The following TBXAS1 variants were observed in gnomAD, a reference collection of about 807,000 sequenced individuals.
TBXAS1 encodes the protein thromboxane-A synthase.
In TBXAS1, 48 loss-of-function variants were observed where a neutral mutation model predicts 60.7. The observed-to-expected ratio is 0.79, with a 90% confidence interval of 0.63 to 1.01. The LOEUF is 1.01. TBXAS1 is among the 50% of genes least tolerant of loss of function. The probability of loss-of-function intolerance (pLI) is 0.00; values close to 1 mark genes in which losing one functional copy is unlikely to be tolerated. For missense variants in TBXAS1, 685 were observed against 686.3 expected (o/e 1.00, Z 0.02); for synonymous variants, 287 against 269.7 (o/e 1.06, Z -0.63).
intron 1 of TBXAS1, among the ~76,000 whole-genome samples, chr7:139,848,834 G>A (rs1800004898): frequency 6.6e-6 from 1 of 152,102 alleles, no homozygotes; most frequent in South Asian, 2.1e-4. Flanking sequence ...ATGGAGCAAG[G>A]GGCATTGATG....
intron 1 of TBXAS1, among the ~76,000 whole-genome samples, chr7:139,865,573 G>A (rs1270793762): frequency 2.7e-5 from 4 of 146,712 alleles, no homozygotes; most frequent in Non-Finnish European, 1.5e-5. Flanking sequence ...ATGAGGGGGA[G>A]GGAGGAAGAA....
chr7:139,999,678 G>T lies in TBXAS1; in HGVS notation c.1135-7413G>T, dbSNP rs927051265. ...AATGGAAATCTTTATTCTTCATATGGCTGTATTGCCCCAAGCTGTCCTCGT... is the reference window on the plus strand; with the variant it reads ...AATGGAAATCTTTATTCTTCATATGTCTGTATTGCCCCAAGCTGTCCTCGT... On this transcript the variant is annotated intron_variant, in intron 9 of 12. Coordinates refer to ENST00000448866, the MANE Select transcript of TBXAS1 (RefSeq NM_001061.7). The surrounding 1 kb of genome is among the most constrained non-coding windows in gnomAD (Gnocchi z 4.3). 1.3e-5 allele frequency among the ~76,000 whole-genome samples: 2 copies of T among 152,142 alleles called. No individual in the cohort carries two copies. Among genetic ancestry groups the T allele is most frequent in the African/African-American group, 2.4e-5 (1 of 41,432 alleles).
At chr7:139,905,031 C>A (rs1001123636) in intron 3 of TBXAS1, among the ~76,000 whole-genome samples, 1 of 84,900 alleles carries the variant, frequency 1.2e-5, no homozygotes, top group Admixed American at 1.3e-4. Flanking sequence ...TTCTTTCTTT[C>A]TTTCTTTCTT....
rs770808858 is a variant in TBXAS1, at chr7:139,957,719, C to T, written c.774C>T (p.Leu258=). The T allele has an allele frequency of 8.1e-6, 13 of 1,613,956 alleles. No homozygotes were observed. Among genetic ancestry groups the T allele is most frequent in the Non-Finnish European group, 1.1e-5 (13 of 1,180,040 alleles). Residue 258 remains leucine (L), a synonymous_variant, in exon 8 of 13, where the codon CTC becomes CTT. Coordinates refer to ENST00000448866, the MANE Select transcript of TBXAS1 (RefSeq NM_001061.7). The part of the protein sequence containing the change: ...RDELNGFFNK[L]IRNVIALRDQ... ...AACTGAATGGCTTTTTTAACAAACT[C>T]ATTAGGAATGTGATTGCCTTGCGGG...
At chr7:139,982,375 G>A (rs1364167545) in intron 9 of TBXAS1, among the ~76,000 whole-genome samples, 1 of 152,138 alleles carries the variant, frequency 6.6e-6, no homozygotes, top group African/African-American at 2.4e-5. Context: ...GATATCTTTA[G>A]ACTGTGGGGG....
At chr7:139,971,655 C>T (rs914392815) in intron 9 of TBXAS1, among the ~76,000 whole-genome samples, 26 of 152,060 alleles carry the variant, frequency 1.7e-4, no homozygotes, top group Non-Finnish European at 3.8e-4. Context: ...ATACTCAAAG[C>T]CCATGCCCAC....
At chr7:139,867,082 A>T (rs1801473899) in intron 1 of TBXAS1, among the ~76,000 whole-genome samples, 1 of 152,252 alleles carries the variant, frequency 6.6e-6, no homozygotes, top group African/African-American at 2.4e-5. Flanking sequence ...CCATGAGGGC[A>T]TGCGTGTTGA....
intron 4 of TBXAS1, 134 bp downstream of exon 4, chr7:139,911,455 T>A: frequency 1.2e-6 from 1 of 800,486 alleles, no homozygotes; most frequent in Non-Finnish European, 2.2e-6. Flanking sequence ...ACTAAGCTCC[T>A]CAGTGAACTC....
At chr7:139,897,152 C>G (rs1022255726) in intron 3 of TBXAS1, among the ~76,000 whole-genome samples, 1 of 152,086 alleles carries the variant, frequency 6.6e-6, no homozygotes, top group Non-Finnish European at 1.5e-5. Context: ...CCACCACTCA[C>G]AAACGAGCAG....
At chr7:139,854,295 A>C (rs571562272) in intron 1 of TBXAS1, among the ~76,000 whole-genome samples, 38 of 152,260 alleles carry the variant, frequency 2.5e-4, no homozygotes, top group Admixed American at 1.5e-3. Context: ...GTCATGCAAG[A>C]TTGCCCAAGC....
At chr7:139,921,276 C>T (rs953993096) in intron 4 of TBXAS1, among the ~76,000 whole-genome samples, 65 of 152,184 alleles carry the variant, frequency 4.3e-4, no homozygotes, top group Non-Finnish European at 1.3e-4. Context: ...ACTCCTCTGA[C>T]ATCAATTTGT....
intron 4 of TBXAS1, among the ~76,000 whole-genome samples, chr7:139,823,262 C>T (rs547420083): frequency 1.3e-5 from 2 of 152,078 alleles, no homozygotes; most frequent in African/African-American, 4.8e-5. Context: ...GATTATATGT[C>T]TATTTCCTTA....
At chr7:139,878,149 A>G (rs1028988677) in intron 3 of TBXAS1, among the ~76,000 whole-genome samples, 16 of 145,600 alleles carry the variant, frequency 1.1e-4, no homozygotes, top group Non-Finnish European at 2.3e-4. Context: ...GAGAGAGAGA[A>G]TGACAGAGAA....
rs551361088 is a variant in TBXAS1 at position 139,995,021 on chromosome 7, G to C, written c.1135-12070G>C. On this transcript the variant is annotated intron_variant, in intron 9 of 12. Transcript: ENST00000448866. ...ATGGTGAGCAGAGCTGGGGAGCGCA[G>C]GAAACGGCCCCTTTCTCCCAGGCCC... Among the ~76,000 whole-genome samples the C allele has an allele frequency of 5.9e-5, 9 of 152,314 alleles. No homozygotes were observed. In the South Asian group the frequency reaches 1.9e-3, roughly 32 times the overall value.
intron 1 of TBXAS1, among the ~76,000 whole-genome samples, chr7:139,871,967 G>A (rs1801852904): frequency 6.6e-6 from 1 of 152,194 alleles, no homozygotes; most frequent in African/African-American, 2.4e-5. Flanking sequence ...GAGAGGGGCA[G>A]TTGGACTACA....
intron 4 of TBXAS1, among the ~76,000 whole-genome samples, chr7:139,789,787 C>A (rs1019922118): frequency 6.6e-6 from 1 of 152,050 alleles, no homozygotes; most frequent in Non-Finnish European, 1.5e-5. Context: ...CCTGCCACCA[C>A]ACCCGGCTAA....
At chr7:139,873,724 A>G (rs981769098) in intron 2 of TBXAS1, among the ~76,000 whole-genome samples, 3 of 152,148 alleles carry the variant, frequency 2.0e-5, no homozygotes, top group African/African-American at 7.2e-5. Context: ...ATTTGTAGAT[A>G]TAGGTCAGGA....
chr7:139,962,721 A>T (rs1810470052), intron 9 of TBXAS1: 1 of 192,016 alleles, frequency 5.2e-6, no homozygotes, highest in Non-Finnish European at 1.1e-5. Flanking sequence ...ATAAGGGAAG[A>T]TGGGGCCCGT....
chr7:139,912,492 A>G (rs1805608576), intron 4 of TBXAS1, among the ~76,000 whole-genome samples: 1 of 152,150 alleles, frequency 6.6e-6, no homozygotes, highest in East Asian at 1.9e-4. Flanking sequence ...GGAAGTACGT[A>G]TTCATTCTTT....
Sources: gnomAD v4.1 joint callset for allele counts (sites outside exome capture counted in the v4.1 genomes callset) on GRCh38, gnomAD v4.1.1 for gene constraint, Gnocchi (gnomAD v3.1) non-coding constraint, MANE v1.5 for transcripts, NCBI Gene and HGNC (gene_info 2026-07-23, HGNC 2026-07-21) for gene names.